LRRFIP1: variants seen among roughly 807,000 people sequenced by gnomAD.
The protein encoded by LRRFIP1 is LRR binding FLII interacting protein 1.
A neutral mutation model predicts 104.4 loss-of-function variants in LRRFIP1; 62 were observed. The ratio of observed to expected loss-of-function variants is 0.59; its 90% CI spans 0.48 to 0.73. The LOEUF is 0.73. Ranked by LOEUF, LRRFIP1 falls within the 30% of genes least tolerant of loss-of-function variation. The probability of loss-of-function intolerance (pLI) is 0.00; values close to 1 mark genes in which losing one functional copy is unlikely to be tolerated. For missense variants in LRRFIP1, 796 were observed against 824.5 expected, an observed-to-expected ratio of 0.97 and a Z score of 0.42; for synonymous variants, 300 against 299.0, an observed-to-expected ratio of 1.00 and a Z score of -0.03.
Position 237,627,630 on chromosome 2 carries a change from C to A in LRRFIP1, c.-15C>A, listed in dbSNP as rs1241218839. 1 of 1,294,934 alleles carries A rather than the reference C, an allele frequency of 7.7e-7. No homozygotes were observed. Among genetic ancestry groups the A allele is most frequent in the Non-Finnish European group, 9.9e-7 (1 of 1,008,630 alleles). 80.2% of individuals were successfully genotyped at this position (1,294,934 alleles called of 1,614,324 possible). On this transcript the variant is annotated 5_prime_UTR_variant, in exon 1 of 24. Transcript: ENST00000308482. Reference sequence around the variant, plus strand: ...GGAGCAACGGGCCCCGCGGCAGCTGCGGGCGACGCGGTCGATGGACATGGG... The same window carrying A: ...GGAGCAACGGGCCCCGCGGCAGCTGAGGGCGACGCGGTCGATGGACATGGG...
At chr2:237,702,396 G>A (rs1395250715) in intron 1 of LRRFIP1, among the ~76,000 whole-genome samples, 1 of 152,236 alleles carries the variant, frequency 6.6e-6, no homozygotes, top group African/African-American at 2.4e-5. Context: ...GGCCAGGATG[G>A]GTGGGATCCC....
intron 7 of LRRFIP1, among the ~76,000 whole-genome samples, chr2:237,725,478 C>T (rs2094705751): frequency 6.6e-6 from 1 of 152,138 alleles, no homozygotes; most frequent in African/African-American, 2.4e-5. Context: ...CCCTCTTATG[C>T]CACGTAAAAA....
At chr2:237,706,058 A>G (rs1427997889) in intron 1 of LRRFIP1, among the ~76,000 whole-genome samples, 1 of 152,198 alleles carries the variant, frequency 6.6e-6, no homozygotes, top group Non-Finnish European at 1.5e-5. Flanking sequence ...TTTGCCATGT[A>G]ATACAGCCTA....
intron 1 of LRRFIP1, among the ~76,000 whole-genome samples, chr2:237,677,455 G>T (rs2091288548): frequency 6.6e-6 from 1 of 152,122 alleles, no homozygotes; most frequent in Non-Finnish European, 1.5e-5. Context: ...CACTTGGGTT[G>T]CTTCTACCTA....
intron 1 of LRRFIP1, among the ~76,000 whole-genome samples, chr2:237,704,319 AT>A (rs1326916525): frequency 5.9e-5 from 9 of 151,450 alleles, no homozygotes; most frequent in Non-Finnish European, 7.4e-5. Flanking sequence ...CGCCCAGCTA[AT>A]TTTTTGTATT....
At chr2:237,680,085 C>T (rs1009930268) in intron 1 of LRRFIP1, among the ~76,000 whole-genome samples, 5 of 152,184 alleles carry the variant, frequency 3.3e-5, no homozygotes, top group South Asian at 4.1e-4. Context: ...TAAAAAGACA[C>T]GGATCCATCC....
intron 19 of LRRFIP1, chr2:237,763,973 G>C: frequency 6.2e-7 from 1 of 1,614,214 alleles, no homozygotes; most frequent in South Asian, 1.1e-5. Context: ...TGAGATGTCA[G>C]AACATCCAAG....
At chr2:237,687,603 C>CAAAA (rs58549867) in intron 1 of LRRFIP1, among the ~76,000 whole-genome samples, 67 of 81,084 alleles carry the variant, frequency 8.3e-4, no homozygotes, top group African/African-American at 2.7e-3. Context: ...GACTCCATCT[C>CAAAA]AAAAAAAAAA....
At chr2:237,765,297 C>T (rs7591000) in intron 19 of LRRFIP1, 1 of 177,418 alleles carries the variant, frequency 5.6e-6, no homozygotes, top group African/African-American at 2.5e-5. Flanking sequence ...ACACACAACA[C>T]AATGTTTTCA....
chr2:237,770,729 G>A (rs2060544488), intron 20 of LRRFIP1: 1 of 152,332 alleles, frequency 6.6e-6, no homozygotes, highest in South Asian at 2.1e-4. Flanking sequence ...GGAAGCAGAG[G>A]TTGCAGTGAG....
chr2:237,757,380 C>T, intron 16 of LRRFIP1, 76 bp from the exon 17 acceptor site: 1 of 924,406 alleles, frequency 1.1e-6, no homozygotes, highest in East Asian at 2.6e-5. Flanking sequence ...TGTCCCAGCT[C>T]TCAGGTTCTC....
intron 17 of LRRFIP1, among the ~76,000 whole-genome samples, chr2:237,758,478 G>GCTGACACAGCCTC (rs2059523665): frequency 6.6e-6 from 1 of 152,214 alleles, no homozygotes; most frequent in Non-Finnish European, 1.5e-5. Context: ...CTGGGGCCCC[G>GCTGACACAGCCTC]TGCTGTGTCC....
chr2:237,722,045 G>A (rs1192570400), intron 6 of LRRFIP1: 2 of 152,258 alleles, frequency 1.3e-5, no homozygotes, highest in Admixed American at 1.3e-4. Context: ...CAGCTGTTGA[G>A]CAGGCCCAGG....
chr2:237,729,678 G>A (rs187881889), intron 8 of LRRFIP1: 38 of 347,444 alleles, frequency 1.1e-4, no homozygotes, highest in East Asian at 1.0e-3. Context: ...GTGTTGGCTC[G>A]GTTGTGCTGT....
chr2:237,738,845 A>G (rs1009625846), intron 10 of LRRFIP1, among the ~76,000 whole-genome samples: 9 of 152,370 alleles, frequency 5.9e-5, no homozygotes, highest in African/African-American at 2.2e-4. Flanking sequence ...TAAAGCGCCA[A>G]GCGCCCTGTG....
chr2:237,712,855 A>G (rs1016978619), intron 2 of LRRFIP1, among the ~76,000 whole-genome samples: 5 of 152,180 alleles, frequency 3.3e-5, no homozygotes, highest in African/African-American at 9.7e-5. Flanking sequence ...ACCAGCTAAC[A>G]TAATTTGAGG....
At chr2:237,656,236 C>A (rs940370418) in intron 1 of LRRFIP1, among the ~76,000 whole-genome samples, 7 of 152,122 alleles carry the variant, frequency 4.6e-5, no homozygotes, top group Admixed American at 3.3e-4. Context: ...TATAGAATTT[C>A]TCTTTGGTTA....
intron 1 of LRRFIP1, among the ~76,000 whole-genome samples, chr2:237,641,076 TTC>T (rs2083887856): frequency 6.6e-6 from 1 of 152,092 alleles, no homozygotes; most frequent in South Asian, 2.1e-4. Flanking sequence ...AGCTTTAATA[TTC>T]TGTTTGGTTT....
At position 237,711,349 on chromosome 2, in the gene LRRFIP1, GA is replaced by G. The variant is rs2094073543; in HGVS notation, c.183+2720del. 7.1e-6 allele frequency among the ~76,000 whole-genome samples: 1 copy of G among 140,730 alleles called. No homozygotes were observed. The highest frequency in any genetic ancestry group is 7.0e-5 in the Admixed American group (1 of 14,264). 92.3% of individuals were successfully genotyped at this position (140,730 alleles called of 152,430 possible). A position where few individuals can be genotyped will look rare whatever the true frequency, so the allele number is the denominator to read the frequency against. ...CCCTACAGCATGGTTTTATCATAAA[GA>G]TATTTCAGGGGTCACAGGGGTCAAG... On this transcript the variant is annotated intron_variant, in intron 2 of 23. Coordinates refer to ENST00000308482, the MANE Select transcript of LRRFIP1 (RefSeq NM_001137550.2). This position sits in a 1 kb window ranked among gnomAD's most constrained non-coding sequence, Gnocchi z 4.4.
Sources: gnomAD v4.1 joint callset for allele counts (sites outside exome capture counted in the v4.1 genomes callset) on GRCh38, gnomAD v4.1.1 for gene constraint, Gnocchi (gnomAD v3.1) non-coding constraint, MANE v1.5 for transcripts, NCBI Gene and HGNC (gene_info 2026-07-23, HGNC 2026-07-21) for gene names.